CENPW: variants seen among roughly 807,000 people sequenced by gnomAD.
CENPW encodes the protein cancer-up-regulated gene 2 protein.
A neutral mutation model predicts 11.1 loss-of-function variants in CENPW; 3 were observed. The observed-to-expected ratio is 0.27, with a 90% CI of 0.12 to 0.70. CENPW has a LOEUF of 0.70. CENPW is among the 30% of genes least tolerant of loss of function. CENPW has a pLI of 0.77. For missense variants in CENPW, 100 were observed against 105.6 expected (o/e 0.95, Z 0.23); for synonymous variants, 38 against 42.0 (o/e 0.91, Z 0.37).
the CENPW span, among the ~76,000 whole-genome samples, chr6:126,405,516 AT>A: frequency 2.8e-4 from 43 of 151,152 alleles, no homozygotes; most frequent in African/African-American, 8.5e-4. Flanking sequence ...AAATTTAAGG[AT>A]TTTTTTTTCT....
the CENPW span, among the ~76,000 whole-genome samples, chr6:126,455,345 A>C: frequency 6.6e-6 from 1 of 151,542 alleles, no homozygotes; most frequent in Non-Finnish European, 1.5e-5. Flanking sequence ...CAGCACATCA[A>C]AAAGCTAATC....
In CENPW at chr6:126,340,161, C is replaced by A; in HGVS notation, c.-113C>A. The A allele has an allele frequency of 1.0e-6, 1 of 996,110 alleles. No homozygotes were observed. Among genetic ancestry groups the A allele is most frequent in the Non-Finnish European group, 1.5e-6 (1 of 657,470 alleles). The allele number at this position is 996,110 out of a possible 1,614,324, so 61.7% of individuals were successfully genotyped here. A position where few individuals can be genotyped will look rare whatever the true frequency, so the allele number is the denominator to read the frequency against. On this transcript the variant is annotated 5_prime_UTR_variant, in exon 1 of 3. The change creates a new upstream start codon in the 5' untranslated region. Transcript: ENST00000368328. ...AACGTTCGGACTGAGGTTTTTCTGC[C>A]TGAAGAAGCGTCATACGGACCGGAT...
the CENPW span, among the ~76,000 whole-genome samples, chr6:126,461,992 T>C: frequency 6.6e-6 from 1 of 151,956 alleles, no homozygotes; most frequent in African/African-American, 2.4e-5. Context: ...AAATTACTTC[T>C]CACTAAAATA....
the CENPW span, among the ~76,000 whole-genome samples, chr6:126,424,061 A>G: frequency 2.0e-5 from 3 of 152,098 alleles, no homozygotes; most frequent in Non-Finnish European, 4.4e-5. Context: ...TGTATTAAAA[A>G]TTTCTTTGGA....
the CENPW span, among the ~76,000 whole-genome samples, chr6:126,478,237 A>T: frequency 6.6e-6 from 1 of 151,910 alleles, no homozygotes; most frequent in African/African-American, 2.4e-5. Context: ...AATCACAGTG[A>T]TTGGTCTAAG....
the CENPW span, among the ~76,000 whole-genome samples, chr6:126,397,576 G>A: frequency 6.6e-6 from 1 of 152,012 alleles, no homozygotes; most frequent in African/African-American, 2.4e-5. Flanking sequence ...TTTTTTGTGT[G>A]TGTGTATAGA....
At chr6:126,463,768 C>T in the CENPW span, among the ~76,000 whole-genome samples, 1 of 151,908 alleles carries the variant, frequency 6.6e-6, no homozygotes, top group Admixed American at 6.6e-5. Flanking sequence ...ACAGGAATAG[C>T]CCTATACCTA....
chr6:126,458,987 G>A, the CENPW span, among the ~76,000 whole-genome samples: 2 of 151,212 alleles, frequency 1.3e-5, no homozygotes, highest in Admixed American at 1.3e-4. Flanking sequence ...TCTCTAGGGT[G>A]TTTTCTCTGA....
the CENPW span, among the ~76,000 whole-genome samples, chr6:126,478,679 CT>C: frequency 1.3e-5 from 2 of 151,976 alleles, no homozygotes; most frequent in South Asian, 4.1e-4. Context: ...CTACTCACTG[CT>C]ACTGGTGTCC....
the CENPW span, among the ~76,000 whole-genome samples, chr6:126,418,797 T>TG: frequency 7.2e-5 from 11 of 151,814 alleles, no homozygotes; most frequent in Admixed American, 3.3e-4. Flanking sequence ...TGGGTGAAGC[T>TG]GGAAACCATC....
the CENPW span, among the ~76,000 whole-genome samples, chr6:126,360,437 G>C: frequency 1.3e-5 from 2 of 152,002 alleles, no homozygotes; most frequent in African/African-American, 4.8e-5. Context: ...CCTAGCTAGG[G>C]TTCTCAGTAT....
chr6:126,340,491 T>A (rs773673369), intron 1 of CENPW, 92 bp downstream of exon 1: 1 of 1,588,464 alleles, frequency 6.3e-7, no homozygotes, highest in Non-Finnish European at 8.6e-7. Context: ...CCGAGCCAAT[T>A]TATAGCTCTT....
the CENPW span, among the ~76,000 whole-genome samples, chr6:126,438,251 T>C: frequency 7.9e-5 from 12 of 151,720 alleles, no homozygotes; most frequent in Non-Finnish European, 1.3e-4. Flanking sequence ...TCTTATTATA[T>C]AAACCTAAAT....
At chr6:126,479,019 T>C in the CENPW span, among the ~76,000 whole-genome samples, 1 of 152,042 alleles carries the variant, frequency 6.6e-6, no homozygotes. Flanking sequence ...TGCATACATT[T>C]GAGTCCCAGC....
the CENPW span, among the ~76,000 whole-genome samples, chr6:126,473,720 ATCTCTC>A: frequency 7.7e-5 from 11 of 142,584 alleles, no homozygotes; most frequent in South Asian, 2.2e-4. Context: ...ACGAGAGTGA[ATCTCTC>A]TCTCTCTCTC....
the CENPW span, among the ~76,000 whole-genome samples, chr6:126,362,197 A>C: frequency 6.6e-6 from 1 of 152,116 alleles, no homozygotes; most frequent in South Asian, 2.1e-4. Context: ...GGAGCTTCTC[A>C]GAGGGAGATG....
the CENPW span, among the ~76,000 whole-genome samples, chr6:126,464,298 A>C: frequency 6.6e-6 from 1 of 152,108 alleles, no homozygotes; most frequent in Non-Finnish European, 1.5e-5. Context: ...CTCTCAGTAA[A>C]GTCAGAATAG....
At chr6:126,366,272 A>G in the CENPW span, among the ~76,000 whole-genome samples, 1 of 152,278 alleles carries the variant, frequency 6.6e-6, no homozygotes, top group African/African-American at 2.4e-5. Flanking sequence ...TACCTTACTC[A>G]TAAATAGAAT....
the CENPW span, among the ~76,000 whole-genome samples, chr6:126,355,621 A>G: frequency 6.6e-6 from 1 of 152,300 alleles, no homozygotes; most frequent in African/African-American, 2.4e-5. Flanking sequence ...AATGCTGCAA[A>G]GGTAGATGTG....
Sources: allele counts gnomAD v4.1 joint callset (sites outside exome capture counted in the v4.1 genomes callset), GRCh38; gene constraint gnomAD v4.1.1; transcripts MANE v1.5; gene names NCBI Gene and HGNC (gene_info 2026-07-23, HGNC 2026-07-21).